KIAA1328: variants seen among roughly 807,000 people sequenced by gnomAD.
The protein encoded by KIAA1328 is KIAA1328.
In KIAA1328, 52 loss-of-function variants were observed where a neutral mutation model predicts 68.1. That is an observed-to-expected ratio of 0.76 (90% CI 0.61 to 0.96). The LOEUF is 0.96. Among genes scored for constraint, KIAA1328 ranks in the 40% least tolerant of loss-of-function variants. The pLI is 0.00. For missense variants in KIAA1328, 641 were observed against 677.6 expected (o/e 0.95, Z 0.60); for synonymous variants, 232 against 239.4 (o/e 0.97, Z 0.28).
At chr18:36,930,631 C>G (rs928883128) in intron 5 of KIAA1328, among the ~76,000 whole-genome samples, 14 of 151,962 alleles carry the variant, frequency 9.2e-5, no homozygotes, top group Admixed American at 7.9e-4. Flanking sequence ...CATTTTGATT[C>G]TTACAAAGAT....
intron 5 of KIAA1328, among the ~76,000 whole-genome samples, chr18:36,903,989 T>G (rs1455072674): frequency 6.6e-6 from 1 of 152,156 alleles, no homozygotes; most frequent in East Asian, 1.9e-4. Context: ...CCCCAGGTGA[T>G]CTGTACATTG....
chr18:37,015,659 T>A (rs1278964522), intron 6 of KIAA1328, among the ~76,000 whole-genome samples: 3 of 152,212 alleles, frequency 2.0e-5, no homozygotes, highest in Non-Finnish European at 4.4e-5. Flanking sequence ...TTTGTTTGTG[T>A]CACTTGTGAT....
intron 6 of KIAA1328, among the ~76,000 whole-genome samples, chr18:37,048,606 C>T (rs1021141170): frequency 3.3e-5 from 5 of 151,986 alleles, no homozygotes; most frequent in African/African-American, 1.2e-4. Context: ...TGGTGCTTTA[C>T]GTTTAAATTC....
intron 7 of KIAA1328, among the ~76,000 whole-genome samples, chr18:37,149,962 A>G (rs1217138266): frequency 6.6e-6 from 1 of 152,200 alleles, no homozygotes; most frequent in African/African-American, 2.4e-5. Flanking sequence ...ATTTTTAAGT[A>G]ATGAAGGAAT....
chr18:36,959,895 A>G (rs2051586306), intron 6 of KIAA1328, among the ~76,000 whole-genome samples: 2 of 152,364 alleles, frequency 1.3e-5, no homozygotes, highest in East Asian at 3.9e-4. Flanking sequence ...ACATATATTA[A>G]TCACATAAGT....
chr18:36,956,547 G>C (rs543836081), intron 5 of KIAA1328, among the ~76,000 whole-genome samples: 3 of 151,566 alleles, frequency 2.0e-5, no homozygotes, highest in African/African-American at 7.3e-5. Flanking sequence ...AGGAAGTGGG[G>C]GGGGGGTGCA....
chr18:36,907,785 CT>C (rs2049276772), intron 5 of KIAA1328, among the ~76,000 whole-genome samples: 1 of 152,108 alleles, frequency 6.6e-6, no homozygotes, highest in African/African-American at 2.4e-5. Context: ...GCATTTCCCC[CT>C]CTTCAATTTC....
chr18:36,963,784 CGTT>C (rs760740908), intron 6 of KIAA1328, among the ~76,000 whole-genome samples: 5 of 152,076 alleles, frequency 3.3e-5, no homozygotes, highest in Non-Finnish European at 5.9e-5. Flanking sequence ...ATTTTGTAAT[CGTT>C]GTTATATCAT....
In KIAA1328 at chr18:37,160,066, A is replaced by G. The variant is rs1269059538; in HGVS notation, c.1233-134A>G. On this transcript the variant is annotated intron_variant, in intron 7 of 9. Transcript: ENST00000280020. Reference sequence around the variant, plus strand: ...AATAGACGTTGAGTAAATTATTTAAATTATACCTCAATAAAAGGTAAGATA... The same window carrying G: ...AATAGACGTTGAGTAAATTATTTAAGTTATACCTCAATAAAAGGTAAGATA... The G allele has an allele frequency of 1.2e-5, 8 of 655,586 alleles. No individual in the cohort carries two copies. The East Asian group carries it at 1.6e-4, about 13-fold the overall frequency. The allele number at this position is 655,586 out of a possible 1,614,324, so 40.6% of individuals were successfully genotyped here. A position where few individuals can be genotyped will look rare whatever the true frequency, so the allele number is the denominator to read the frequency against.
At chr18:36,869,513 A>G (rs142487091) in intron 4 of KIAA1328, among the ~76,000 whole-genome samples, 2 of 152,280 alleles carry the variant, frequency 1.3e-5, no homozygotes, top group Admixed American at 1.3e-4. Context: ...TCTACTCAGA[A>G]TTATGCTTGA....
At chr18:36,987,921 A>G (rs544360373) in intron 6 of KIAA1328, among the ~76,000 whole-genome samples, 2 of 152,224 alleles carry the variant, frequency 1.3e-5, no homozygotes, top group Non-Finnish European at 2.9e-5. Context: ...GCAATTGTCC[A>G]GCCCTAGTTC....
downstream of KIAA1328, among the ~76,000 whole-genome samples, chr18:37,226,347 G>C (rs1233055817): frequency 6.6e-6 from 1 of 151,466 alleles, no homozygotes; most frequent in Non-Finnish European, 1.5e-5. Context: ...CCTATTTAAA[G>C]TGTACAGTTC....
intron 6 of KIAA1328, among the ~76,000 whole-genome samples, chr18:37,045,313 C>T (rs1250353867): frequency 6.6e-6 from 1 of 152,156 alleles, no homozygotes; most frequent in Non-Finnish European, 1.5e-5. Context: ...TGTTTGAAAC[C>T]ACTAATCCAG....
At chr18:36,901,019 C>G (rs1005905499) in intron 5 of KIAA1328, among the ~76,000 whole-genome samples, 2 of 151,956 alleles carry the variant, frequency 1.3e-5, no homozygotes, top group Non-Finnish European at 2.9e-5. Context: ...ATATACCTGA[C>G]TAGGTTTGGT....
chr18:37,176,979 T>TGTA (rs2059608160), intron 9 of KIAA1328, among the ~76,000 whole-genome samples: 1 of 152,240 alleles, frequency 6.6e-6, no homozygotes. Context: ...AACCATCAGC[T>TGTA]GTAATTGTCA....
chr18:37,193,919 A>G (rs2059954934), intron 9 of KIAA1328, among the ~76,000 whole-genome samples: 1 of 152,194 alleles, frequency 6.6e-6, no homozygotes, highest in South Asian at 2.1e-4. Flanking sequence ...ATGCATATAC[A>G]GTCTTAGCTG....
At chr18:37,162,373 A>G (rs909468116) in intron 8 of KIAA1328, among the ~76,000 whole-genome samples, 1 of 152,148 alleles carries the variant, frequency 6.6e-6, no homozygotes, top group Non-Finnish European at 1.5e-5. Context: ...CTCATGAAAA[A>G]GACCGCCTTG....
At chr18:36,909,153 T>G (rs114807604) in intron 5 of KIAA1328, among the ~76,000 whole-genome samples, 3,222 of 152,272 alleles carry the variant, frequency 0.021, 120 homozygotes, top group African/African-American at 0.074. Flanking sequence ...ATTATTATAC[T>G]TCAAGTTCTA....
In KIAA1328 at chr18:37,101,231, GA is replaced by G. The variant is rs530329741; in HGVS notation, c.1232+33688del. Among the ~76,000 whole-genome samples the G allele has an allele frequency of 1.0e-3, 156 of 152,284 alleles. 2 individuals carry two copies. The highest frequency in any genetic ancestry group is 3.7e-3 in the African/African-American group (154 of 41,564). ...ATCAAACTACTCTGAGCTAAAGGAG[GA>G]AGTTCGAAGCCATGGCAAAGAAGTT... On this transcript the variant is annotated intron_variant, in intron 7 of 9. Coordinates refer to ENST00000280020, the MANE Select transcript of KIAA1328 (RefSeq NM_020776.3).
Sources: allele counts gnomAD v4.1 joint callset (sites outside exome capture counted in the v4.1 genomes callset), GRCh38; gene constraint gnomAD v4.1.1; transcripts MANE v1.5; gene names NCBI Gene and HGNC (gene_info 2026-07-23, HGNC 2026-07-21).